PPM1H: variants seen among roughly 807,000 people sequenced by gnomAD.
PPM1H encodes protein phosphatase 1H.
A neutral mutation model predicts 54.9 loss-of-function variants in PPM1H; 27 were observed. That is an observed-to-expected ratio of 0.49 (90% confidence interval 0.36 to 0.68). The LOEUF (loss-of-function observed/expected upper bound fraction) is 0.68, where lower values mean the gene tolerates loss of function less well. Ranked by LOEUF, PPM1H falls within the 30% of genes least tolerant of loss-of-function variation. The pLI, the probability that PPM1H is intolerant of heterozygous loss-of-function variation, is 0.00. For missense variants in PPM1H, 596 were observed against 667.8 expected (o/e 0.89, Z 1.19); for synonymous variants, 305 against 270.8 (o/e 1.13, Z -1.24).
chr12:62,822,699 A>C (rs1019627883), intron 2 of PPM1H, among the ~76,000 whole-genome samples: 5 of 152,248 alleles, frequency 3.3e-5, no homozygotes, highest in East Asian at 3.8e-4. Context: ...AACCAACGAG[A>C]ACAAAGACAC....
rs181777046 is a variant in PPM1H, at chr12:62,674,761, C to T, written c.1246-7432G>A. Reference sequence around the variant, plus strand: ...CGAGCTGGACATCGTATGCCTTACACGAAGAGGAAGCTGCAGGGGCTAAAG... The same window carrying T: ...CGAGCTGGACATCGTATGCCTTACATGAAGAGGAAGCTGCAGGGGCTAAAG... On this transcript the variant is annotated intron_variant, in intron 8 of 9. Coordinates refer to ENST00000228705, the MANE Select transcript of PPM1H (RefSeq NM_020700.2). Among the ~76,000 whole-genome samples the T allele has an allele frequency of 7.9e-5, 12 of 152,314 alleles. No homozygotes were observed. In the East Asian group the frequency reaches 1.2e-3, roughly 15 times the overall value.
intron 1 of PPM1H, among the ~76,000 whole-genome samples, chr12:62,888,517 A>G (rs1380005770): frequency 6.6e-6 from 1 of 152,170 alleles, no homozygotes; most frequent in Non-Finnish European, 1.5e-5. Context: ...ACAGCATCCC[A>G]GGAAGACAGA....
At chr12:62,837,072 C>G (rs1485298535) in intron 1 of PPM1H, among the ~76,000 whole-genome samples, 4 of 152,196 alleles carry the variant, frequency 2.6e-5, no homozygotes, top group African/African-American at 4.8e-5. Context: ...ATGATTCATT[C>G]TGTGTTACCA....
At chr12:62,691,900 G>A (rs2076085322) in intron 7 of PPM1H, among the ~76,000 whole-genome samples, 1 of 151,840 alleles carries the variant, frequency 6.6e-6, no homozygotes, top group Non-Finnish European at 1.5e-5. Flanking sequence ...GCCAAGAAGT[G>A]CTCAACTCTA....
chr12:62,900,045 A>G (rs1448162682), intron 1 of PPM1H, among the ~76,000 whole-genome samples: 2 of 152,206 alleles, frequency 1.3e-5, no homozygotes, highest in Non-Finnish European at 2.9e-5. Flanking sequence ...CCCTGATCAC[A>G]GACTGTCAGC....
chr12:62,711,783 G>A (rs181970416), intron 6 of PPM1H, among the ~76,000 whole-genome samples: 14 of 152,284 alleles, frequency 9.2e-5, no homozygotes, highest in Admixed American at 7.2e-4. Flanking sequence ...GCATTCATGC[G>A]TGCATGCGTG....
chr12:62,648,888 T>A (rs141153904), intron 9 of PPM1H, among the ~76,000 whole-genome samples: 13 of 152,356 alleles, frequency 8.5e-5, no homozygotes, highest in Non-Finnish European at 1.6e-4. Context: ...TCCTCAGTCC[T>A]CTTTTGATGT....
chr12:62,769,845 A>G lies in PPM1H; in HGVS notation c.869+18381T>C, dbSNP rs539979858. On this transcript the variant is annotated intron_variant, in intron 4 of 9. Coordinates refer to ENST00000228705, the MANE Select transcript of PPM1H (RefSeq NM_020700.2). ...TGAGGGCTTCAACATTTAAAGGCGAAAAGTGGGCTGGAGGGGAAAGAGGGA... is the reference window on the plus strand; with the variant it reads ...TGAGGGCTTCAACATTTAAAGGCGAGAAGTGGGCTGGAGGGGAAAGAGGGA... 1.7e-4 allele frequency among the ~76,000 whole-genome samples: 26 copies of G among 152,292 alleles called. 1 individual carries two copies. Among genetic ancestry groups the G allele is most frequent in the African/African-American group, 6.3e-4 (26 of 41,558 alleles).
intron 1 of PPM1H, among the ~76,000 whole-genome samples, chr12:62,890,344 A>G (rs1444327953): frequency 1.3e-5 from 2 of 152,084 alleles, no homozygotes; most frequent in African/African-American, 4.8e-5. Flanking sequence ...TGTAGTCTCA[A>G]CTACTCAGGA....
chr12:62,798,573 G>A (rs929970658), intron 3 of PPM1H, among the ~76,000 whole-genome samples: 3 of 151,962 alleles, frequency 2.0e-5, no homozygotes, highest in African/African-American at 7.3e-5. Flanking sequence ...AGTGTGAAGA[G>A]GAAGCTAGGG....
intron 4 of PPM1H, among the ~76,000 whole-genome samples, chr12:62,745,342 A>G (rs1470709771): frequency 6.6e-6 from 1 of 152,150 alleles, no homozygotes; most frequent in Non-Finnish European, 1.5e-5. Flanking sequence ...GATTACAGGC[A>G]TGAGCCACCG....
At chr12:62,681,013 T>C (rs2076016570) in intron 8 of PPM1H, among the ~76,000 whole-genome samples, 2 of 152,110 alleles carry the variant, frequency 1.3e-5, no homozygotes, top group South Asian at 4.1e-4. Flanking sequence ...CGCTCTGGGA[T>C]TGGGAGATGA....
intron 4 of PPM1H, 63 bp from the exon 5 acceptor site, chr12:62,737,649 C>G (rs1323436952): frequency 3.3e-6 from 4 of 1,215,912 alleles, no homozygotes; most frequent in East Asian, 5.4e-5. Context: ...CTGTTACAAC[C>G]ATTGCTTGGT....
In PPM1H at chr12:62,719,996, G is replaced by C. The variant is rs1269505234; in HGVS notation, c.1073+175C>G. 2.6e-5 allele frequency among the ~76,000 whole-genome samples: 4 copies of C among 152,310 alleles called. No individual in the cohort carries two copies. In the East Asian group the frequency reaches 7.7e-4, roughly 29 times the overall value. On this transcript the variant is annotated intron_variant, in intron 6 of 9. Transcript: ENST00000228705. ...GAAGCAGAGAGGCAAACCAAGGCTC[G>C]TGATTTGGTCCTAAGCAAACATAGC...
At chr12:62,892,893 C>G (rs1220203557) in intron 1 of PPM1H, among the ~76,000 whole-genome samples, 1 of 152,166 alleles carries the variant, frequency 6.6e-6, no homozygotes, top group Non-Finnish European at 1.5e-5. Flanking sequence ...GAAATTCCTC[C>G]CATCTCTGTA....
chr12:62,699,715 T>C (rs2076133529), intron 6 of PPM1H, among the ~76,000 whole-genome samples: 1 of 152,236 alleles, frequency 6.6e-6, no homozygotes, highest in Non-Finnish European at 1.5e-5. Context: ...GGGCTATCTA[T>C]GAAGCAACTT....
intron 4 of PPM1H, among the ~76,000 whole-genome samples, chr12:62,738,568 T>C (rs1356726856): frequency 6.6e-6 from 1 of 152,154 alleles, no homozygotes; most frequent in Non-Finnish European, 1.5e-5. Context: ...TTCCCAGACC[T>C]TCTGATTCCA....
At chr12:62,699,423 C>G (rs1184052749) in intron 6 of PPM1H, among the ~76,000 whole-genome samples, 1 of 152,214 alleles carries the variant, frequency 6.6e-6, no homozygotes, top group Non-Finnish European at 1.5e-5. Flanking sequence ...GTATTAAACT[C>G]CTGACCTCAG....
chr12:62,797,837 A>G (rs562320126), intron 3 of PPM1H, among the ~76,000 whole-genome samples: 11 of 152,330 alleles, frequency 7.2e-5, no homozygotes, highest in African/African-American at 2.4e-4. Context: ...TGACGCAAAG[A>G]AAAACAAGAG....
Sources: gnomAD v4.1 joint callset for allele counts (sites outside exome capture counted in the v4.1 genomes callset) on GRCh38, gnomAD v4.1.1 for gene constraint, MANE v1.5 for transcripts, NCBI Gene and HGNC (gene_info 2026-07-23, HGNC 2026-07-21) for gene names.